Variants in PTBP3 observed in about 807,000 individuals in gnomAD.
PTBP3 encodes the protein polypyrimidine tract-binding protein 3.
A neutral mutation model predicts 58.7 loss-of-function variants in PTBP3; 20 were observed. The ratio of observed to expected loss-of-function variants is 0.34; its 90% CI spans 0.24 to 0.50. The LOEUF (loss-of-function observed/expected upper bound fraction) is 0.50. Among genes scored for constraint, PTBP3 ranks in the 20% least tolerant of loss-of-function variants. PTBP3 has a pLI of 0.98. For synonymous variants in PTBP3, 185 were observed against 219.8 expected (o/e 0.84, Z 1.40); for missense variants, 509 against 637.2 (o/e 0.80, Z 2.17).
intron 2 of PTBP3, among the ~76,000 whole-genome samples, chr9:112,288,860 G>A (rs1307148166): frequency 6.6e-6 from 1 of 152,122 alleles, no homozygotes; most frequent in African/African-American, 2.4e-5. Flanking sequence ...TTCTTCATAT[G>A]GTTTTATTTA....
chr9:112,368,755 G>T, the PTBP3 span, among the ~76,000 whole-genome samples: 1 of 152,186 alleles, frequency 6.6e-6, no homozygotes, highest in African/African-American at 2.4e-5. Flanking sequence ...TAGCCAATTT[G>T]CATAAGTAAC....
At position 112,266,499 on chromosome 9, in the gene PTBP3, T is replaced by A. The variant is rs549144603; in HGVS notation, c.351+1550A>T. On this transcript the variant is annotated intron_variant, in intron 4 of 13. Coordinates refer to ENST00000374257, the MANE Select transcript of PTBP3 (RefSeq NM_001163788.4). ...GTCCCAGCAATTTCATACATATACA[T>A]TGGAATACACATTGTCTTCCACGGC... is the stretch of plus-strand genomic sequence containing the variant. Among the ~76,000 whole-genome samples the A allele has an allele frequency of 8.7e-4, 132 of 152,288 alleles. 1 individual carries two copies. Among genetic ancestry groups the A allele is most frequent in the African/African-American group, 3.1e-3 (128 of 41,558 alleles).
rs535049992 is a variant in PTBP3 at position 112,325,461 on chromosome 9, A to G, written c.-52+8009T>C. 2.0e-5 allele frequency among the ~76,000 whole-genome samples: 3 copies of G among 152,228 alleles called. No individual in the cohort carries two copies. In the East Asian group the frequency reaches 5.8e-4, roughly 30 times the overall value. ...TTGCTGAGAGCTCCCCTTTCGCTTA[A>G]TAAATTCCACTCTCCTCACCCTTCA... On this transcript the variant is annotated intron_variant, in intron 1 of 13. Transcript: ENST00000374257.
intron 2 of PTBP3, among the ~76,000 whole-genome samples, chr9:112,281,739 T>G (rs535641591): frequency 2.1e-3 from 319 of 152,352 alleles, no homozygotes; most frequent in Non-Finnish European, 3.3e-3. Context: ...ATCTGAGTTT[T>G]CTATTGCTTT....
At chr9:112,372,334 C>A in the PTBP3 span, among the ~76,000 whole-genome samples, 1 of 152,258 alleles carries the variant, frequency 6.6e-6, no homozygotes, top group South Asian at 2.1e-4. Context: ...CTGCCTTGGC[C>A]TCCTAAAGTG....
intron 1 of PTBP3, among the ~76,000 whole-genome samples, chr9:112,311,532 A>C (rs1228526834): frequency 6.6e-6 from 1 of 152,190 alleles, no homozygotes; most frequent in South Asian, 2.1e-4. Flanking sequence ...TGCAAAACCC[A>C]GTTATATGAA....
intron 8 of PTBP3, among the ~76,000 whole-genome samples, chr9:112,233,848 T>C (rs189976898): frequency 2.9e-3 from 438 of 152,142 alleles, no homozygotes; most frequent in Middle Eastern, 6.8e-3. Context: ...TGAGAATCAT[T>C]TGAACCCAGG....
At chr9:112,297,498 A>G (rs1828740895) in intron 2 of PTBP3, among the ~76,000 whole-genome samples, 1 of 152,106 alleles carries the variant, frequency 6.6e-6, no homozygotes, top group Admixed American at 6.6e-5. Flanking sequence ...GAGCCACCAC[A>G]CCTGACTTCA....
intron 12 of PTBP3, among the ~76,000 whole-genome samples, chr9:112,226,680 T>G (rs1835001733): frequency 6.6e-6 from 1 of 152,230 alleles, no homozygotes; most frequent in South Asian, 2.1e-4. Flanking sequence ...TAATCAGCTT[T>G]GCTGTTGTAA....
intron 1 of PTBP3, among the ~76,000 whole-genome samples, chr9:112,310,094 T>A (rs1168643646): frequency 1.3e-5 from 2 of 152,194 alleles, no homozygotes; most frequent in African/African-American, 4.8e-5. Flanking sequence ...AAATATTCTC[T>A]AAAGAATAGT....
intron 7 of PTBP3, among the ~76,000 whole-genome samples, chr9:112,242,075 T>C (rs1012784031): frequency 6.6e-6 from 1 of 152,224 alleles, no homozygotes; most frequent in Non-Finnish European, 1.5e-5. Context: ...ATAAAACTGC[T>C]ATGAACATTT....
chr9:112,260,168 CAA>C (rs1244598724), intron 5 of PTBP3, among the ~76,000 whole-genome samples: 4 of 152,218 alleles, frequency 2.6e-5, no homozygotes, highest in South Asian at 2.1e-4. Context: ...CTTGGCCTCT[CAA>C]AGTGTTGGGA....
At chr9:112,273,056 A>G (rs1564423894) in intron 3 of PTBP3, among the ~76,000 whole-genome samples, 1 of 152,240 alleles carries the variant, frequency 6.6e-6, no homozygotes, top group African/African-American at 2.4e-5. Context: ...AACATGATGT[A>G]TAACTGTACC....
chr9:112,363,357 C>T, the PTBP3 span, among the ~76,000 whole-genome samples: 1 of 151,862 alleles, frequency 6.6e-6, no homozygotes, highest in African/African-American at 2.4e-5. Context: ...CCAGCCTGGG[C>T]AACATGGTGA....
At chr9:112,306,858 C>T (rs1829243424) in intron 1 of PTBP3, among the ~76,000 whole-genome samples, 1 of 152,006 alleles carries the variant, frequency 6.6e-6, no homozygotes, top group Admixed American at 6.6e-5. Context: ...TCAGGTGATC[C>T]ACCCACCTTG....
rs748854946 is a variant in PTBP3, at chr9:112,220,115, T to C, written c.*3736A>G. The stretch of plus-strand genomic sequence containing the variant: ...CGCTGTCTCTTTTTGGTTTTAAAAA[T>C]AGCAGTACACATTAGGTTTTCTAAG... On this transcript the variant is annotated 3_prime_UTR_variant, in exon 14 of 14. Transcript: ENST00000374257. 5.5e-6 allele frequency: 7 copies of C among 1,262,766 alleles called. No individual in the cohort carries two copies. Among genetic ancestry groups the C allele is most frequent in the Admixed American group, 2.6e-5 (1 of 38,782 alleles). The allele number at this position is 1,262,766 out of a possible 1,614,324, so 78.2% of individuals were successfully genotyped here. A position where few individuals can be genotyped will look rare whatever the true frequency, so the allele number is the denominator to read the frequency against.
rs540924709 is a variant in PTBP3, at chr9:112,224,723, G to GT, written c.1365-514dup. On this transcript the variant is annotated intron_variant, in intron 12 of 13. Coordinates refer to ENST00000374257, the MANE Select transcript of PTBP3 (RefSeq NM_001163788.4). ...TATTCCCCTCCCATAGAAAGCACAG[G>GT]TATCCTCTGTAAACACTTTGGATAC... Among the ~76,000 whole-genome samples, 18 of 152,256 alleles carry GT rather than the reference G, an allele frequency of 1.2e-4. No individual in the cohort carries two copies. In the East Asian group the frequency reaches 3.5e-3, roughly 29 times the overall value.
chr9:112,368,875 A>G, the PTBP3 span, among the ~76,000 whole-genome samples: 1 of 152,218 alleles, frequency 6.6e-6, no homozygotes, highest in Non-Finnish European at 1.5e-5. Flanking sequence ...TAGGAGAAAG[A>G]AATGGTTTCA....
At chr9:112,297,725 G>T in intron 2 of PTBP3, 107 bp downstream of exon 2, 4 of 893,068 alleles carry the variant, frequency 4.5e-6, no homozygotes, top group Non-Finnish European at 6.6e-6. Context: ...TTTAGCTTTT[G>T]TTATGAACAG....
Sources: allele counts gnomAD v4.1 joint callset (sites outside exome capture counted in the v4.1 genomes callset), GRCh38; gene constraint gnomAD v4.1.1; transcripts MANE v1.5; gene names NCBI Gene and HGNC (gene_info 2026-07-23, HGNC 2026-07-21).